The following PDE4B variants were observed in gnomAD, a reference collection of about 807,000 sequenced individuals.
PDE4B encodes 3',5'-cyclic-AMP phosphodiesterase 4B.
In PDE4B, 20 loss-of-function variants were observed where a neutral mutation model predicts 82.2. The ratio of observed to expected loss-of-function variants is 0.24; its 90% CI spans 0.17 to 0.35. The LOEUF is 0.35. Among genes scored for constraint, PDE4B ranks in the 10% least tolerant of loss-of-function variants. The pLI, the probability that PDE4B is intolerant of heterozygous loss-of-function variation, is 1.00. For missense variants in PDE4B, 655 were observed against 907.2 expected, an observed-to-expected ratio of 0.72 and a Z score of 3.57; for synonymous variants, 320 against 318.9, an observed-to-expected ratio of 1.00 and a Z score of -0.04.
intron 7 of PDE4B, among the ~76,000 whole-genome samples, chr1:66,318,996 T>C (rs1556805): frequency 0.44 from 67,552 of 152,126 alleles, 17,444 homozygotes; most frequent in East Asian, 0.81. Context: ...GAGATAACTT[T>C]AATGGCTTTG....
chr1:66,214,387 A>G (rs1300104656), intron 3 of PDE4B, among the ~76,000 whole-genome samples: 2 of 152,138 alleles, frequency 1.3e-5, no homozygotes, highest in East Asian at 1.9e-4. Context: ...AGAAGGCAGT[A>G]AGGTCAGAAT....
chr1:66,326,303 C>A (rs1220899025), intron 7 of PDE4B, among the ~76,000 whole-genome samples: 1 of 152,144 alleles, frequency 6.6e-6, no homozygotes, highest in Non-Finnish European at 1.5e-5. Context: ...ATAAAGTGAA[C>A]ATACCTATGT....
At chr1:66,003,469 A>G (rs1431925314) in intron 3 of PDE4B, among the ~76,000 whole-genome samples, 1 of 152,226 alleles carries the variant, frequency 6.6e-6, no homozygotes, top group East Asian at 1.9e-4. Context: ...GCAAAACATA[A>G]GAAGATGCCT....
intron 1 of PDE4B, among the ~76,000 whole-genome samples, chr1:65,806,995 A>G (rs1645761938): frequency 6.6e-6 from 1 of 152,232 alleles, no homozygotes; most frequent in African/African-American, 2.4e-5. Context: ...TGTTCTGTGT[A>G]TAGTTACTCT....
chr1:65,920,982 T>C (rs2100484932), intron 3 of PDE4B, among the ~76,000 whole-genome samples: 1 of 141,606 alleles, frequency 7.1e-6, no homozygotes, highest in Admixed American at 7.1e-5. Flanking sequence ...TTTTTTTTTT[T>C]TTTTGAGACG....
intron 3 of PDE4B, among the ~76,000 whole-genome samples, chr1:66,007,858 G>A (rs1485187782): frequency 6.6e-6 from 1 of 152,136 alleles, no homozygotes; most frequent in African/African-American, 2.4e-5. Flanking sequence ...ACTCAGGAAG[G>A]TCGATTAATT....
intron 12 of PDE4B, among the ~76,000 whole-genome samples, 188 bp downstream of exon 12, chr1:66,363,759 C>G (rs575469176): frequency 1.3e-5 from 2 of 151,930 alleles, no homozygotes; most frequent in Admixed American, 1.3e-4. Flanking sequence ...CTTGGGCAAC[C>G]CTGTCTCTAA....
chr1:66,196,693 G>A (rs1451361438), intron 3 of PDE4B, among the ~76,000 whole-genome samples: 1 of 151,532 alleles, frequency 6.6e-6, no homozygotes, highest in Admixed American at 6.6e-5. Flanking sequence ...ATCATTCTCA[G>A]TAAACTATCG....
intron 3 of PDE4B, among the ~76,000 whole-genome samples, chr1:66,183,913 T>G (rs976593923): frequency 6.6e-6 from 1 of 152,136 alleles, no homozygotes; most frequent in African/African-American, 2.4e-5. Flanking sequence ...GGGTCTTGAA[T>G]GAAGGGGGCA....
intron 7 of PDE4B, chr1:66,332,085 A>T: frequency 8.8e-7 from 1 of 1,141,768 alleles, no homozygotes; most frequent in Non-Finnish European, 1.1e-6. Context: ...TCTCCTTGAG[A>T]TGGCAAAGCA....
chr1:65,802,310 C>T (rs1227010209), intron 1 of PDE4B, among the ~76,000 whole-genome samples: 1 of 152,136 alleles, frequency 6.6e-6, no homozygotes, highest in African/African-American at 2.4e-5. Context: ...CCAGTTTTCT[C>T]CTGGTGAAAA....
intron 1 of PDE4B, among the ~76,000 whole-genome samples, chr1:65,802,619 TG>T (rs1398533531): frequency 1.3e-5 from 2 of 152,180 alleles, no homozygotes; most frequent in Non-Finnish European, 2.9e-5. Context: ...AAAATAGATA[TG>T]GGGTAGGAAA....
intron 3 of PDE4B, among the ~76,000 whole-genome samples, chr1:66,019,230 C>A (rs1315655280): frequency 6.6e-6 from 1 of 151,776 alleles, no homozygotes; most frequent in African/African-American, 2.4e-5. Flanking sequence ...GGAACTGAAG[C>A]TTAATTTATT....
chr1:66,002,651 A>G (rs922852859), intron 3 of PDE4B, among the ~76,000 whole-genome samples: 1 of 152,042 alleles, frequency 6.6e-6, no homozygotes, highest in African/African-American at 2.4e-5. Flanking sequence ...CTATCACTGT[A>G]TAATTTTGAC....
intron 3 of PDE4B, among the ~76,000 whole-genome samples, chr1:66,164,211 T>C (rs758260776): frequency 6.6e-6 from 1 of 151,762 alleles, no homozygotes; most frequent in Non-Finnish European, 1.5e-5. Flanking sequence ...ACCCAAGAAA[T>C]TACTACTACT....
At position 66,059,158 on chromosome 1, in the gene PDE4B, A is replaced by C. The variant is rs191969568; in HGVS notation, c.281+140323A>C. On this transcript the variant is annotated intron_variant, in intron 3 of 16. Coordinates refer to ENST00000341517, the MANE Select transcript of PDE4B (RefSeq NM_002600.4). ...AAATGCCACCAGTCTCTTTGCTAAA[A>C]CATAACAAGCATCACCTTTGCTCCA... Among the ~76,000 whole-genome samples, 294 of 152,316 alleles carry C rather than the reference A, an allele frequency of 1.9e-3. 1 individual carries two copies. Among genetic ancestry groups the C allele is most frequent in the African/African-American group, 6.8e-3 (281 of 41,570 alleles).
chr1:66,219,131 C>T (rs1457804729), intron 3 of PDE4B, among the ~76,000 whole-genome samples: 2 of 152,098 alleles, frequency 1.3e-5, no homozygotes, highest in Admixed American at 1.3e-4. Context: ...TATGGCTTCT[C>T]AAATACAGGC....
chr1:66,229,705 A>G (rs538690272), intron 3 of PDE4B, among the ~76,000 whole-genome samples: 1 of 152,214 alleles, frequency 6.6e-6, no homozygotes, highest in East Asian at 1.9e-4. Context: ...AATAAACCAT[A>G]CTGTCATTTC....
chr1:66,063,535 G>A (rs1655690241), intron 3 of PDE4B, among the ~76,000 whole-genome samples: 1 of 151,720 alleles, frequency 6.6e-6, no homozygotes, highest in African/African-American at 2.4e-5. Flanking sequence ...CATGTTTATG[G>A]AGTATATAGT....
Sources: gnomAD v4.1 joint callset for allele counts (sites outside exome capture counted in the v4.1 genomes callset) on GRCh38, gnomAD v4.1.1 for gene constraint, MANE v1.5 for transcripts, NCBI Gene and HGNC (gene_info 2026-07-23, HGNC 2026-07-21) for gene names.